Variants in SPEN observed in about 807,000 individuals in gnomAD.
SPEN encodes the protein spen family transcriptional repressor.
Under a neutral mutation model 269.9 loss-of-function variants are expected in SPEN, and 18 were observed. The observed-to-expected ratio is 0.07, with a 90% confidence interval of 0.05 to 0.10. SPEN has a LOEUF of 0.10. Among genes scored for constraint, SPEN ranks in the 10% least tolerant of loss-of-function variants. The pLI is 1.00. For missense variants in SPEN, 3,822 were observed against 4,631.2 expected (o/e 0.83, Z 5.07); for synonymous variants, 1,726 against 1,765.7 (o/e 0.98, Z 0.56).
intron 2 of SPEN, chr1:15,874,420 A>G (rs1202455982): frequency 2.2e-6 from 3 of 1,334,044 alleles, no homozygotes; most frequent in Admixed American, 2.2e-5. Context: ...ACCTGTGTAT[A>G]TTAGCCCCTC....
rs2071287152 is a variant in SPEN at position 15,937,417 on chromosome 1, C to T, written c.10281C>T (p.Gly3427=). ...TQVQRAQAET[G]PTSFPSPVSV... ...TTCAGAGGGCACAAGCAGAAACAGG[C>T]CCGACTTCCTTCCCCTCCCCTGTGT... Residue 3427 remains glycine, a synonymous_variant, in exon 12 of 15, where the codon GGC becomes GGT. Coordinates refer to ENST00000375759, the MANE Select transcript of SPEN (RefSeq NM_015001.3). This position sits in a 1 kb window ranked among gnomAD's most constrained non-coding sequence, Gnocchi z 5.7. 1 of 1,613,564 alleles carries T rather than the reference C, an allele frequency of 6.2e-7. No individual in the cohort carries two copies. Among genetic ancestry groups the T allele is most frequent in the South Asian group, 1.1e-5 (1 of 91,080 alleles).
intron 1 of SPEN, among the ~76,000 whole-genome samples, chr1:15,857,925 C>T (rs1225732323): frequency 2.6e-5 from 4 of 151,948 alleles, no homozygotes; most frequent in African/African-American, 7.3e-5. Flanking sequence ...GTCAGGAGAT[C>T]GAGACCATCC....
At chr1:15,920,600 A>G (rs1473947594) in intron 8 of SPEN, among the ~76,000 whole-genome samples, 1 of 152,206 alleles carries the variant, frequency 6.6e-6, no homozygotes, top group Admixed American at 6.5e-5. Context: ...TATAGTGGTC[A>G]GTAAACATGG....
chr1:15,913,835 C>T (rs1276793552), intron 5 of SPEN, among the ~76,000 whole-genome samples: 1 of 151,548 alleles, frequency 6.6e-6, no homozygotes, highest in African/African-American at 2.4e-5. Flanking sequence ...CCAGCCTGGG[C>T]AACAGAGCAA....
At chr1:15,938,160 G>T (rs1425266955) in intron 13 of SPEN, among the ~76,000 whole-genome samples, 154 bp downstream of exon 13, 2 of 152,254 alleles carry the variant, frequency 1.3e-5, no homozygotes, top group African/African-American at 4.8e-5. Flanking sequence ...CTGGAGTGCA[G>T]CGGTGCGATC....
At position 15,929,231 on chromosome 1, in the gene SPEN, G is replaced by A; in HGVS notation, c.2991G>A (p.Lys997=). 6.2e-7 allele frequency: 1 copy of A among 1,614,138 alleles called. No homozygotes were observed. The highest frequency in any genetic ancestry group is 8.5e-7 in the Non-Finnish European group (1 of 1,180,024). ...CAGATTCCAATTTAAAAGCAGAAAA[G>A]CAAAAACCAGAGGTCAAGAAAAGCA... ...RFADSNLKAE[K]QKPEVKKSSP... The change falls in exon 11 of 15, where the codon AAG becomes AAA. Residue 997 remains lysine (K), a synonymous_variant. Coordinates refer to ENST00000375759, the MANE Select transcript of SPEN (RefSeq NM_015001.3). This position sits in a 1 kb window ranked among gnomAD's most constrained non-coding sequence, Gnocchi z 5.8.
intron 1 of SPEN, among the ~76,000 whole-genome samples, chr1:15,860,378 G>GGTGTGTGTGTGTGTGTGTGTGTGTGTGT (rs60005872): frequency 1.7e-5 from 2 of 121,162 alleles, no homozygotes; most frequent in Admixed American, 8.9e-5. Context: ...TAGCTTCAGA[G>GGTGTGTGTGTGTGTGTGTGTGTGTGTGT]GTGTGTGTGT....
intron 1 of SPEN, among the ~76,000 whole-genome samples, chr1:15,868,242 A>G (rs1190389167): frequency 6.6e-6 from 1 of 151,660 alleles, no homozygotes; most frequent in Non-Finnish European, 1.5e-5. Context: ...TCATGGTTTC[A>G]AGTGATCCTC....
chr1:15,866,511 A>G (rs2070511657), intron 1 of SPEN, among the ~76,000 whole-genome samples: 1 of 151,648 alleles, frequency 6.6e-6, no homozygotes, highest in Non-Finnish European at 1.5e-5. Context: ...CTGCCACCAC[A>G]CCTGACTAAT....
At position 15,939,517 on chromosome 1, in the gene SPEN, C is replaced by T. The variant is rs903387546; in HGVS notation, c.*90C>T. ...CCAGCCAAGCAGAGGAAGAAGCTGCCGAAGGGGACAGACTCCACTGCCAGA... is the reference window on the plus strand; with the variant it reads ...CCAGCCAAGCAGAGGAAGAAGCTGCTGAAGGGGACAGACTCCACTGCCAGA... On this transcript the variant is annotated 3_prime_UTR_variant, in exon 15 of 15. Coordinates refer to ENST00000375759, the MANE Select transcript of SPEN (RefSeq NM_015001.3). The surrounding 1 kb of genome is among the most constrained non-coding windows in gnomAD (Gnocchi z 4.1). The T allele has an allele frequency of 1.1e-5, 16 of 1,421,856 alleles. No individual in the cohort carries two copies. The highest frequency in any genetic ancestry group is 2.6e-5 in the Admixed American group (1 of 38,756). 88.1% of individuals were successfully genotyped at this position (1,421,856 alleles called of 1,614,324 possible). A position where few individuals can be genotyped will look rare whatever the true frequency, so the allele number is the denominator to read the frequency against.
intron 1 of SPEN, among the ~76,000 whole-genome samples, chr1:15,863,561 C>T (rs1057246818): frequency 2.6e-5 from 4 of 152,128 alleles, no homozygotes; most frequent in African/African-American, 4.8e-5. Flanking sequence ...AGTAATCTGG[C>T]TGGGTGCAGT....
intron 9 of SPEN, 117 bp from the exon 10 acceptor site, chr1:15,922,132 G>A: frequency 1.4e-6 from 1 of 698,422 alleles, no homozygotes; most frequent in Non-Finnish European, 2.5e-6. Context: ...GAGATACATT[G>A]CTGTTTCCTG....
chr1:15,936,160 G>C lies in SPEN; in HGVS notation c.9920G>C (p.Arg3307Pro), dbSNP rs375642545. The change falls in exon 11 of 15, where the codon CGG becomes CCG. Residue 3307 changes from arginine to proline, a missense_variant. Physicochemically the swap from Arg to Pro is moderately radical, Grantham distance 103. Around this residue, in one of 16 missense-constraint regions of SPEN, gnomAD observed 359 missense variants for 377.3 expected, o/e 0.95. Coordinates refer to ENST00000375759, the MANE Select transcript of SPEN (RefSeq NM_015001.3). ...HSSGELFQEY[R>P]YGDIRTYHPP... Reference sequence around the variant, plus strand: ...AGCGGGGAGCTGTTTCAAGAGTACCGGTACGGCGACATCCGCACCTACCAC... The same window carrying C: ...AGCGGGGAGCTGTTTCAAGAGTACCCGTACGGCGACATCCGCACCTACCAC... 10 of 1,609,726 alleles carry C rather than the reference G, an allele frequency of 6.2e-6. No homozygotes were observed. Among genetic ancestry groups the C allele is most frequent in the African/African-American group, 1.3e-5 (1 of 74,728 alleles).
chr1:15,860,517 C>G lies in SPEN; in HGVS notation c.84-12299C>G, dbSNP rs536711690. ...GTATTGCCCAGGATGGTCTCAAACT[C>G]CTGGTCTCAGGATATCCTCCCGCCT... is the stretch of plus-strand genomic sequence containing the variant. On this transcript the variant is annotated intron_variant, in intron 1 of 14. Transcript: ENST00000375759. Among the ~76,000 whole-genome samples, 3 of 150,228 alleles carry G rather than the reference C, an allele frequency of 2.0e-5. No individual in the cohort carries two copies. The East Asian group carries it at 5.9e-4, about 30-fold the overall frequency.
intron 3 of SPEN, among the ~76,000 whole-genome samples, chr1:15,884,106 G>A (rs1004797572): frequency 1.3e-5 from 2 of 151,994 alleles, no homozygotes; most frequent in South Asian, 2.1e-4. Flanking sequence ...CACAGCGCTC[G>A]GCTTGTTTTA....
In SPEN at chr1:15,930,951, A is replaced by C; in HGVS notation, c.4711A>C (p.Ser1571Arg). Residue 1571 changes from serine to arginine, a missense_variant, in exon 11 of 15, where the codon AGC becomes CGC. Ser to Arg is a moderately radical substitution (Grantham distance 110). This residue lies in a region of SPEN where 533 missense variants were observed against 618.8 expected (regional missense o/e 0.86). Transcript: ENST00000375759. This position sits in a 1 kb window ranked among gnomAD's most constrained non-coding sequence, Gnocchi z 5.3. Reference protein sequence around the residue: ...YGKQTSEGANSTTDSIQEPVV... With the variant: ...YGKQTSEGANRTTDSIQEPVV... ...GAAGCAGACATCTGAGGGAGCAAAC[A>C]GCACAACTGATTCCATTCAAGAACC... 1 of 1,614,202 alleles carries C rather than the reference A, an allele frequency of 6.2e-7. No individual in the cohort carries two copies. The highest frequency in any genetic ancestry group is 8.5e-7 in the Non-Finnish European group (1 of 1,180,034).
chr1:15,930,339 A>G lies in SPEN; in HGVS notation c.4099A>G (p.Lys1367Glu), dbSNP rs1426544976. 2 of 1,613,756 alleles carry G rather than the reference A, an allele frequency of 1.2e-6. No homozygotes were observed. The highest frequency in any genetic ancestry group is 1.3e-5 in the African/African-American group (1 of 74,920). The change falls in exon 11 of 15, where the codon AAA becomes GAA. Residue 1367 changes from lysine (K) to glutamate (E), a missense_variant. Lys to Glu is a moderately conservative substitution (Grantham distance 56, BLOSUM62 1). Coordinates refer to ENST00000375759, the MANE Select transcript of SPEN (RefSeq NM_015001.3). This position sits in a 1 kb window ranked among gnomAD's most constrained non-coding sequence, Gnocchi z 5.3. ...NSIIKRDSLR[K>E]RSVRDLEPGE... ...CATAATTAAGAGAGATAGCCTTCGA[A>G]AAAGGTCTGTACGAGATCTGGAACC...
chr1:15,913,658 G>T (rs2071031900), intron 5 of SPEN, among the ~76,000 whole-genome samples: 1 of 151,864 alleles, frequency 6.6e-6, no homozygotes, highest in East Asian at 2.0e-4. Context: ...GGAGGCTGAG[G>T]CAGGAGGATC....
rs1329425528 is a variant in SPEN at position 15,928,543 on chromosome 1, C to T, written c.2303C>T (p.Ser768Leu). ...RSSDRSGSCSSLSPPRYEKLD... is the reference protein window; with the variant it reads ...RSSDRSGSCSLLSPPRYEKLD... ...TCAGACCGGAGTGGAAGCTGTAGCT[C>T]ACTCTCCCCTCCAAGATATGAGAAA... Residue 768 changes from serine (S) to leucine (L), a missense_variant, in exon 11 of 15, where the codon TCA becomes TTA. Physicochemically the swap from Ser to Leu is moderately radical, Grantham distance 145. Coordinates refer to ENST00000375759, the MANE Select transcript of SPEN (RefSeq NM_015001.3). The surrounding 1 kb of genome is among the most constrained non-coding windows in gnomAD (Gnocchi z 5.7). 2 of 1,614,130 alleles carry T rather than the reference C, an allele frequency of 1.2e-6. No individual in the cohort carries two copies. Among genetic ancestry groups the T allele is most frequent in the Non-Finnish European group, 1.7e-6 (2 of 1,180,024 alleles).
Sources: gnomAD v4.1 joint callset for allele counts (sites outside exome capture counted in the v4.1 genomes callset) on GRCh38, gnomAD v4.1.1 for gene constraint, gnomAD v4.1.1 regional missense constraint, Gnocchi (gnomAD v3.1) non-coding constraint, MANE v1.5 for transcripts, NCBI Gene and HGNC (gene_info 2026-07-23, HGNC 2026-07-21) for gene names.